The following TNR variants were observed in gnomAD, a reference collection of about 807,000 sequenced individuals.
The protein encoded by TNR is tenascin-R.
Under a neutral mutation model 150.4 loss-of-function variants are expected in TNR, and 45 were observed. The observed-to-expected ratio is 0.30, with a 90% confidence interval of 0.24 to 0.38. TNR has a LOEUF of 0.38. TNR is among the 10% of genes least tolerant of loss of function. TNR has a pLI of 1.00. For synonymous variants in TNR, 687 were observed against 678.4 expected (o/e 1.01, Z -0.20); for missense variants, 1,544 against 1,759.1 (o/e 0.88, Z 2.19).
intron 21 of TNR, among the ~76,000 whole-genome samples, chr1:175,329,706 A>G (rs1026593006): frequency 3.3e-5 from 5 of 152,348 alleles, no homozygotes; most frequent in Non-Finnish European, 5.9e-5. Flanking sequence ...ATAAGAGCCC[A>G]TAGTGACTAA....
intron 1 of TNR, among the ~76,000 whole-genome samples, chr1:175,671,145 C>T (rs536969644): frequency 1.3e-5 from 2 of 152,228 alleles, no homozygotes; most frequent in South Asian, 4.2e-4. Flanking sequence ...GAGAGACTGG[C>T]CAAAGTTGAG....
intron 1 of TNR, among the ~76,000 whole-genome samples, chr1:175,695,107 G>A (rs1259331187): frequency 6.6e-6 from 1 of 152,208 alleles, no homozygotes; most frequent in African/African-American, 2.4e-5. Context: ...CCTCTAAGAA[G>A]TAGAACATGG....
At chr1:175,663,828 G>A (rs1665452637) in intron 1 of TNR, among the ~76,000 whole-genome samples, 1 of 152,340 alleles carries the variant, frequency 6.6e-6, no homozygotes, top group Middle Eastern at 3.4e-3. Context: ...GAACTGGAGA[G>A]TCCAAGGGCA....
intron 1 of TNR, among the ~76,000 whole-genome samples, chr1:175,567,147 A>T (rs1413102129): frequency 6.6e-6 from 1 of 152,194 alleles, no homozygotes. Flanking sequence ...TGAAAAATTT[A>T]AGACCTCAGA....
At chr1:175,709,492 A>G (rs1386110942) in intron 1 of TNR, among the ~76,000 whole-genome samples, 1 of 152,242 alleles carries the variant, frequency 6.6e-6, no homozygotes, top group Non-Finnish European at 1.5e-5. Context: ...TTGCTTTGGT[A>G]CAATTGCTAA....
chr1:175,386,375 C>G, intron 7 of TNR, 74 bp from the exon 8 acceptor site: 1 of 1,447,136 alleles, frequency 6.9e-7, no homozygotes, highest in Non-Finnish European at 9.1e-7. Context: ...CTCTCTTTTC[C>G]TCCTTATGGA....
In TNR at chr1:175,354,526, G is replaced by A; in HGVS notation, c.3250-3C>T. 6.2e-7 allele frequency: 1 copy of A among 1,613,988 alleles called. No individual in the cohort carries two copies. The highest frequency in any genetic ancestry group is 8.5e-7 in the Non-Finnish European group (1 of 1,179,954). On this transcript the variant is annotated splice_region_variant and splice_polypyrimidine_tract_variant and intron_variant, in intron 17 of 22. Transcript: ENST00000367674. ...TCTTCTGCATCCACAATCAGCTCCT[G>A]TATAATGAGCCAAAGGAAGGGTGGT...
intron 7 of TNR, among the ~76,000 whole-genome samples, chr1:175,389,388 C>T (rs992313950): frequency 6.6e-6 from 1 of 152,210 alleles, no homozygotes; most frequent in African/African-American, 2.4e-5. Context: ...TCCCTCCTCC[C>T]TTCTCCCTTG....
At chr1:175,589,126 A>T (rs1662691875) in intron 1 of TNR, among the ~76,000 whole-genome samples, 1 of 152,134 alleles carries the variant, frequency 6.6e-6, no homozygotes, top group African/African-American at 2.4e-5. Context: ...AGGATTGAGG[A>T]GGGGAAGGGG....
intron 1 of TNR, among the ~76,000 whole-genome samples, chr1:175,739,744 T>C (rs1375590861): frequency 1.6e-4 from 24 of 152,156 alleles, no homozygotes; most frequent in Admixed American, 1.6e-3. Flanking sequence ...TCCTCAGCCA[T>C]GACCTTTGTG....
intron 1 of TNR, among the ~76,000 whole-genome samples, chr1:175,623,507 T>G (rs1192622493): frequency 6.6e-6 from 1 of 152,154 alleles, no homozygotes; most frequent in Non-Finnish European, 1.5e-5. Context: ...GGTGACCTGG[T>G]CCCTCCTTCT....
intron 1 of TNR, among the ~76,000 whole-genome samples, chr1:175,541,492 A>G (rs2102189729): frequency 6.6e-6 from 1 of 152,356 alleles, no homozygotes; most frequent in African/African-American, 2.4e-5. Context: ...GTCCTATCCA[A>G]ATAAAATAAC....
chr1:175,612,430 T>A (rs1663627056), intron 1 of TNR, among the ~76,000 whole-genome samples: 1 of 152,172 alleles, frequency 6.6e-6, no homozygotes, highest in South Asian at 2.1e-4. Flanking sequence ...CAGAGGAAAT[T>A]CAGGTTGTGG....
At chr1:175,742,585 C>T (rs770176071) in intron 1 of TNR, among the ~76,000 whole-genome samples, 6 of 152,164 alleles carry the variant, frequency 3.9e-5, no homozygotes, top group Non-Finnish European at 7.3e-5. Context: ...CCCCCCAAAG[C>T]CGCCCCAGCC....
chr1:175,598,087 C>T (rs549535575), intron 1 of TNR, among the ~76,000 whole-genome samples: 5 of 152,044 alleles, frequency 3.3e-5, no homozygotes, highest in East Asian at 3.9e-4. Context: ...CTGAGGATGC[C>T]GAGAACAATA....
intron 2 of TNR, among the ~76,000 whole-genome samples, chr1:175,418,379 T>C (rs73045431): frequency 0.033 from 5,015 of 152,276 alleles, 294 homozygotes; most frequent in African/African-American, 0.11. Flanking sequence ...AGATGGCTTT[T>C]GAGCTGGGTC....
chr1:175,588,160 T>C lies in TNR; in HGVS notation c.-164-59791A>G, dbSNP rs74429410. On this transcript the variant is annotated intron_variant, in intron 1 of 22. Coordinates refer to ENST00000367674, the MANE Select transcript of TNR (RefSeq NM_003285.3). ...AATGAGTTCACAGTCACTGGAGGAA[T>C]TCAATAAGATATTCCATAACCGCTT... 1.0e-2 allele frequency among the ~76,000 whole-genome samples: 1,517 copies of C among 152,312 alleles called. 12 individuals are homozygous for C. Among genetic ancestry groups the C allele is most frequent in the Middle Eastern group, 0.027 (8 of 294 alleles).
At chr1:175,419,633 C>A (rs533201029) in intron 2 of TNR, among the ~76,000 whole-genome samples, 3 of 152,130 alleles carry the variant, frequency 2.0e-5, no homozygotes, top group East Asian at 3.8e-4. Flanking sequence ...AAGTGCCCAC[C>A]ACCACGCCCG....
chr1:175,369,227 C>T (rs1269731293), intron 9 of TNR, among the ~76,000 whole-genome samples: 3 of 152,354 alleles, frequency 2.0e-5, no homozygotes, highest in East Asian at 1.9e-4. Flanking sequence ...CCTGTGGATG[C>T]TGTTATAAAT....
Sources: allele counts gnomAD v4.1 joint callset (sites outside exome capture counted in the v4.1 genomes callset), GRCh38; gene constraint gnomAD v4.1.1; transcripts MANE v1.5; gene names NCBI Gene and HGNC (gene_info 2026-07-23, HGNC 2026-07-21).